The following CHODL variants were observed in gnomAD, a reference collection of about 807,000 sequenced individuals.
CHODL encodes chondrolectin, also known as transmembrane protein MT75.
A neutral mutation model predicts 34.5 loss-of-function variants in CHODL; 29 were observed. The ratio of observed to expected loss-of-function variants is 0.84; its 90% CI spans 0.63 to 1.15. CHODL has a LOEUF of 1.15. Ranked by LOEUF, CHODL falls within the 50% of genes most tolerant of loss-of-function variation. The probability of loss-of-function intolerance (pLI) is 0.00; values close to 1 mark genes in which losing one functional copy is unlikely to be tolerated. For synonymous variants in CHODL, 125 were observed against 116.1 expected (o/e 1.08, Z -0.49); for missense variants, 332 against 332.5 (o/e 1.00, Z 0.01).
upstream of CHODL, among the ~76,000 whole-genome samples, chr21:18,243,611 T>C (rs2074102632): frequency 6.6e-6 from 1 of 151,976 alleles, no homozygotes; most frequent in South Asian, 2.1e-4. Context: ...GGCTGGATTG[T>C]AGCTCACTGC....
intron 1 of CHODL, among the ~76,000 whole-genome samples, chr21:17,955,966 G>A (rs1484890514): frequency 1.5e-5 from 2 of 137,004 alleles, no homozygotes; most frequent in Admixed American, 7.2e-5. Flanking sequence ...CCTTGATCCC[G>A]GAAGAAAAAG....
In CHODL at chr21:18,265,993, G is replaced by C; in HGVS notation, c.777G>C (p.Leu259=). The change falls in exon 6 of 6, where the codon CTG becomes CTC. Residue 259 remains leucine, a synonymous_variant. Coordinates refer to ENST00000299295, the MANE Select transcript of CHODL (RefSeq NM_024944.3). ...RTKTSPNQST[L]WISKSTRKES... ...AAACTAGTCCAAACCAGTCTACACT[G>C]TGGATTTCAAAGAGTACCAGAAAAG... 1 of 1,613,590 alleles carries C rather than the reference G, an allele frequency of 6.2e-7. No individual in the cohort carries two copies.
At chr21:18,247,682 A>C (rs988600042) in intron 1 of CHODL, among the ~76,000 whole-genome samples, 2 of 152,096 alleles carry the variant, frequency 1.3e-5, no homozygotes, top group African/African-American at 4.8e-5. Context: ...AATATGCAAA[A>C]CAAGATGTGA....
At chr21:17,917,799 A>T (rs1407792879) in intron 1 of CHODL, among the ~76,000 whole-genome samples, 1 of 152,058 alleles carries the variant, frequency 6.6e-6, no homozygotes, top group Non-Finnish European at 1.5e-5. Context: ...TAAATGAATG[A>T]TATTTAGCAC....
At chr21:18,083,639 A>T (rs1484065827) in intron 2 of CHODL, among the ~76,000 whole-genome samples, 1 of 152,206 alleles carries the variant, frequency 6.6e-6, no homozygotes, top group Non-Finnish European at 1.5e-5. Context: ...TGTGCCCTGG[A>T]TGTGAGACAT....
intron 2 of CHODL, among the ~76,000 whole-genome samples, chr21:18,155,973 A>G (rs1342670110): frequency 6.6e-6 from 1 of 152,252 alleles, no homozygotes; most frequent in Non-Finnish European, 1.5e-5. Context: ...GACATGGAAT[A>G]CTTATACTCA....
intron 2 of CHODL, among the ~76,000 whole-genome samples, chr21:18,081,087 G>A (rs2064935773): frequency 6.6e-6 from 1 of 151,882 alleles, no homozygotes; most frequent in East Asian, 1.9e-4. Context: ...TATTTTATTT[G>A]TTTTATAACT....
chr21:18,139,658 C>T (rs921268817), intron 2 of CHODL, among the ~76,000 whole-genome samples: 1 of 152,130 alleles, frequency 6.6e-6, no homozygotes, highest in Non-Finnish European at 1.5e-5. Context: ...TTTGCAGGCC[C>T]ATTCAGAGAG....
chr21:18,036,738 T>C (rs551267350), intron 2 of CHODL, among the ~76,000 whole-genome samples: 65 of 152,148 alleles, frequency 4.3e-4, no homozygotes, highest in African/African-American at 1.6e-3. Flanking sequence ...AATTGTTTCT[T>C]TTCCTTGTAA....
intron 2 of CHODL, among the ~76,000 whole-genome samples, chr21:18,075,066 C>G (rs1175488148): frequency 6.6e-6 from 1 of 152,134 alleles, no homozygotes; most frequent in East Asian, 1.9e-4. Flanking sequence ...ATTAAGATGT[C>G]TTTTTTGATA....
intron 2 of CHODL, among the ~76,000 whole-genome samples, chr21:18,158,585 C>G (rs1284815222): frequency 6.6e-6 from 1 of 152,102 alleles, no homozygotes; most frequent in African/African-American, 2.4e-5. Context: ...TGCCTGTAAT[C>G]CCAGCACTTT....
chr21:18,099,871 A>G, intron 2 of CHODL: 1 of 152,164 alleles, frequency 6.6e-6, no homozygotes, highest in East Asian at 1.9e-4. Context: ...ACTCTGAAGA[A>G]CAATGACATG....
intron 2 of CHODL, among the ~76,000 whole-genome samples, chr21:18,127,555 A>T (rs1448603515): frequency 6.6e-6 from 1 of 152,108 alleles, no homozygotes. Context: ...TAAGAAAGTA[A>T]TTGACATAAA....
At chr21:18,101,682 T>G (rs1211466667) in intron 2 of CHODL, among the ~76,000 whole-genome samples, 1 of 151,628 alleles carries the variant, frequency 6.6e-6, no homozygotes, top group Non-Finnish European at 1.5e-5. Context: ...GTAGCTGCAT[T>G]TTCAGTATGA....
chr21:18,144,575 G>C (rs1469991395), intron 2 of CHODL, among the ~76,000 whole-genome samples: 1 of 152,060 alleles, frequency 6.6e-6, no homozygotes, highest in Non-Finnish European at 1.5e-5. Context: ...AAGACCACGG[G>C]GATCCCACTT....
chr21:18,049,822 A>G (rs1438647875), intron 2 of CHODL, among the ~76,000 whole-genome samples: 3 of 151,972 alleles, frequency 2.0e-5, no homozygotes, highest in Non-Finnish European at 2.9e-5. Context: ...CGGCTGCATT[A>G]TGGGGTCCTG....
intron 2 of CHODL, among the ~76,000 whole-genome samples, chr21:18,207,504 A>C (rs1021476288): frequency 3.9e-5 from 6 of 152,114 alleles, no homozygotes; most frequent in Non-Finnish European, 7.4e-5. Flanking sequence ...TAACAATTAC[A>C]GTGCTATAAT....
chr21:18,106,921 G>T (rs1389121548), intron 2 of CHODL, among the ~76,000 whole-genome samples: 2 of 152,156 alleles, frequency 1.3e-5, no homozygotes, highest in African/African-American at 4.8e-5. Context: ...TGTGGTTGTT[G>T]TCCCTGCACC....
intron 1 of CHODL, among the ~76,000 whole-genome samples, chr21:18,014,802 G>A (rs1309693812): frequency 6.6e-6 from 1 of 152,206 alleles, no homozygotes; most frequent in Admixed American, 6.5e-5. Flanking sequence ...CCTCCTGTAA[G>A]TCCTGTAGAA....
Sources: gnomAD v4.1 joint callset for allele counts (sites outside exome capture counted in the v4.1 genomes callset) on GRCh38, gnomAD v4.1.1 for gene constraint, MANE v1.5 for transcripts, NCBI Gene and HGNC (gene_info 2026-07-23, HGNC 2026-07-21) for gene names.